Variants in LGMN observed in about 807,000 individuals in gnomAD.
LGMN encodes the protein legumain.
A neutral mutation model predicts 56.8 loss-of-function variants in LGMN; 36 were observed. That is an observed-to-expected ratio of 0.63 (90% CI 0.49 to 0.84). LGMN has a LOEUF of 0.84. Ranked by LOEUF, LGMN falls within the 40% of genes least tolerant of loss-of-function variation. The pLI is 0.00. For synonymous variants in LGMN, 199 were observed against 210.1 expected (o/e 0.95, Z 0.46); for missense variants, 446 against 556.1 (o/e 0.80, Z 1.99).
chr14:92,739,864 A>C (rs1441884701), intron 1 of LGMN, among the ~76,000 whole-genome samples: 3 of 152,224 alleles, frequency 2.0e-5, no homozygotes, highest in Non-Finnish European at 4.4e-5. Context: ...GATCTCCCCC[A>C]GGGGCGCTGT....
At position 92,704,674 on chromosome 14, in the gene LGMN, C is replaced by T. The variant is rs145185556; in HGVS notation, c.1225G>A (p.Val409Ile). ...EYALRHLYVLVNLCEKPYPLH... is the reference protein window; with the variant it reads ...EYALRHLYVLINLCEKPYPLH... ...GGATACGGCTTCTCACAAAGGTTGACCAGCACGTACAAATGTCTCAACGCA... is the reference window on the plus strand; with the variant it reads ...GGATACGGCTTCTCACAAAGGTTGATCAGCACGTACAAATGTCTCAACGCA... Residue 409 changes from valine (V) to isoleucine (I), a missense_variant, in exon 13 of 14, where the codon GTC (valine) becomes ATC (isoleucine). By Grantham distance (29) the Val-to-Ile change is conservative (BLOSUM62 3). Transcript: ENST00000334869. The T allele has an allele frequency of 3.5e-4, 563 of 1,613,672 alleles. 2 individuals carry two copies. The highest frequency in any genetic ancestry group is 4.6e-4 in the Non-Finnish European group (540 of 1,179,568).
At chr14:92,709,535 A>G (rs1889628633) in intron 11 of LGMN, 137 bp downstream of exon 11, 1 of 733,986 alleles carries the variant, frequency 1.4e-6, no homozygotes, top group Admixed American at 2.3e-5. Context: ...CTTCCGTTAC[A>G]TGGAGGACAA....
intron 2 of LGMN, among the ~76,000 whole-genome samples, chr14:92,730,684 C>T (rs1325277835): frequency 6.6e-6 from 1 of 152,140 alleles, no homozygotes; most frequent in Non-Finnish European, 1.5e-5. Flanking sequence ...GTGGCTCACG[C>T]CTGTAATCCC....
At chr14:92,729,127 CTT>C (rs55843490) in intron 2 of LGMN, among the ~76,000 whole-genome samples, 34 of 110,102 alleles carry the variant, frequency 3.1e-4, no homozygotes, top group South Asian at 5.7e-4. Context: ...CTCAGCTTTT[CTT>C]TTTTTTTTTT....
rs138333596 is a variant in LGMN at position 92,733,386 on chromosome 14, C to A, written c.-29-571G>T. 9.1e-3 allele frequency among the ~76,000 whole-genome samples: 1,388 copies of A among 152,184 alleles called. 46 individuals are homozygous for A. Among genetic ancestry groups the A allele is most frequent in the Admixed American group, 0.056 (858 of 15,282 alleles). On this transcript the variant is annotated intron_variant, in intron 1 of 13. Transcript: ENST00000334869. ...AAAATAAAAGAATATCCAGAAAGGG[C>A]TCTGGGCACTTTTTAAAGTTTTTGA... is the stretch of plus-strand genomic sequence containing the variant.
chr14:92,708,065 C>T (rs908640257), intron 11 of LGMN, among the ~76,000 whole-genome samples: 15 of 151,416 alleles, frequency 9.9e-5, no homozygotes, highest in Non-Finnish European at 1.9e-4. Context: ...GCAGGAGAAT[C>T]GCTTGAACCC....
At chr14:92,723,702 GA>G (rs1399593325) in intron 2 of LGMN, among the ~76,000 whole-genome samples, 1 of 151,986 alleles carries the variant, frequency 6.6e-6, no homozygotes, top group African/African-American at 2.4e-5. Context: ...GCAGTTGCCT[GA>G]GGCTAGAGGT....
rs11343138 is a variant in LGMN at position 92,733,148 on chromosome 14, CAA to C, written c.-29-335_-29-334del. On this transcript the variant is annotated intron_variant, in intron 1 of 13. Coordinates refer to ENST00000334869, the MANE Select transcript of LGMN (RefSeq NM_005606.7). ...GGGTGACAGAGTCAGACTCTGTCTC[CAA>C]AAAAAAAAAAAAAAAAGAACAGATA... Among the ~76,000 whole-genome samples the C allele has an allele frequency of 4.5e-3, 471 of 103,592 alleles. 2 individuals carry two copies. The highest frequency in any genetic ancestry group is 0.015 in the African/African-American group (375 of 25,710). 68.0% of individuals were successfully genotyped at this position (103,592 alleles called of 152,430 possible). A position where few individuals can be genotyped will look rare whatever the true frequency, so the allele number is the denominator to read the frequency against.
At chr14:92,732,589 C>T (rs371134849) in intron 2 of LGMN, 60 bp downstream of exon 2, 2 of 1,573,256 alleles carry the variant, frequency 1.3e-6, no homozygotes, top group African/African-American at 2.7e-5. Flanking sequence ...TTAACAGTGT[C>T]TGGAATTGTT....
In LGMN at chr14:92,718,837, G is replaced by A. The variant is rs753942789; in HGVS notation, c.146C>T (p.Ala49Val). 2.2e-5 allele frequency: 35 copies of A among 1,611,392 alleles called. No homozygotes were observed. The highest frequency in any genetic ancestry group is 5.5e-5 in the South Asian group (5 of 90,962). ...GWYNYRHQAD[A>V]CHAYQIIHRN... ...GTGAATGATCTGGTAGGCATGGCAC[G>A]CGTCTGCCTGGGAGAAATGATTTGG... Residue 49 changes from alanine to valine, a missense_variant, in exon 3 of 14, where the codon GCG becomes GTG. Physicochemically the swap from Ala to Val is moderately conservative, Grantham distance 64 (BLOSUM62 0). Transcript: ENST00000334869.
chr14:92,746,576 C>T (rs1162104327), intron 1 of LGMN, among the ~76,000 whole-genome samples: 8 of 152,192 alleles, frequency 5.3e-5, no homozygotes, highest in Admixed American at 5.2e-4. Context: ...GCAATGACCT[C>T]CGTATCCTTA....
At chr14:92,735,209 C>G (rs188809495) in intron 1 of LGMN, among the ~76,000 whole-genome samples, 1 of 152,114 alleles carries the variant, frequency 6.6e-6, no homozygotes, top group East Asian at 1.9e-4. Context: ...GGGCCTGAGA[C>G]TGCATTTCTT....
intron 2 of LGMN, among the ~76,000 whole-genome samples, chr14:92,729,237 CCT>C (rs1367128307): frequency 6.6e-6 from 1 of 150,958 alleles, no homozygotes; most frequent in African/African-American, 2.4e-5. Context: ...CCCAGGTCTG[CCT>C]CTGTCCCCAC....
At chr14:92,716,929 T>C (rs1890103063) in intron 4 of LGMN, among the ~76,000 whole-genome samples, 1 of 152,136 alleles carries the variant, frequency 6.6e-6, no homozygotes, top group Admixed American at 6.6e-5. Flanking sequence ...TTTTTGGAAG[T>C]AATATACTAT....
In LGMN at chr14:92,709,886, C is replaced by G. The variant is rs372574969; in HGVS notation, c.820-14G>C. The G allele has an allele frequency of 5.1e-6, 8 of 1,582,586 alleles. No individual in the cohort carries two copies. The African/African-American group carries it at 1.1e-4, about 21-fold the overall frequency. ...GGTGGAGATTGTCTGGGGAGACAGA[C>G]AGCAAGAGAGAGCGAGAGAGAAAGC... On this transcript the variant is annotated splice_polypyrimidine_tract_variant and intron_variant, in intron 10 of 13. Coordinates refer to ENST00000334869, the MANE Select transcript of LGMN (RefSeq NM_005606.7).
intron 1 of LGMN, among the ~76,000 whole-genome samples, chr14:92,743,735 A>C (rs1891680052): frequency 6.6e-6 from 1 of 150,478 alleles, no homozygotes; most frequent in African/African-American, 2.5e-5. Context: ...CTGGAGGCAG[A>C]GGTTGCAGTG....
At chr14:92,732,930 C>G in intron 1 of LGMN, 115 bp from the exon 2 acceptor site, 1 of 728,532 alleles carries the variant, frequency 1.4e-6, no homozygotes, top group Non-Finnish European at 2.2e-6. Flanking sequence ...GAGGGTGGAT[C>G]AAGAGGTCAG....
At chr14:92,713,801 G>C in intron 7 of LGMN, 22 bp downstream of exon 7, 12 of 1,589,228 alleles carry the variant, frequency 7.6e-6, no homozygotes, top group South Asian at 2.2e-5. Flanking sequence ...CCCCCACAAG[G>C]CTGCCCCAAG....
intron 2 of LGMN, among the ~76,000 whole-genome samples, chr14:92,721,927 G>A (rs952528436): frequency 3.3e-5 from 5 of 152,024 alleles, no homozygotes; most frequent in Admixed American, 6.6e-5. Flanking sequence ...AGTACAACCC[G>A]GGTTTCAAAA....
Sources: gnomAD v4.1 joint callset for allele counts (sites outside exome capture counted in the v4.1 genomes callset) on GRCh38, gnomAD v4.1.1 for gene constraint, MANE v1.5 for transcripts, NCBI Gene and HGNC (gene_info 2026-07-23, HGNC 2026-07-21) for gene names.